CHRM3: variants seen among roughly 807,000 people sequenced by gnomAD.
CHRM3 encodes muscarinic acetylcholine receptor M3.
A neutral mutation model predicts 41.8 loss-of-function variants in CHRM3; 11 were observed. The ratio of observed to expected loss-of-function variants is 0.26; its 90% CI spans 0.17 to 0.44. CHRM3 has a LOEUF of 0.44. Among genes scored for constraint, CHRM3 ranks in the 20% least tolerant of loss-of-function variants. CHRM3 has a pLI of 1.00. For missense variants in CHRM3, 571 were observed against 745.4 expected, an observed-to-expected ratio of 0.77 and a Z score of 2.72; for synonymous variants, 297 against 301.4, an observed-to-expected ratio of 0.99 and a Z score of 0.15.
intron 5 of CHRM3, among the ~76,000 whole-genome samples, chr1:239,725,057 C>T (rs986484194): frequency 1.3e-5 from 2 of 151,916 alleles, no homozygotes; most frequent in African/African-American, 2.4e-5. Context: ...GCAATACAGA[C>T]TAAGCACCTT....
intron 5 of CHRM3, among the ~76,000 whole-genome samples, chr1:239,794,630 G>C (rs1039034114): frequency 3.3e-5 from 5 of 152,032 alleles, no homozygotes; most frequent in African/African-American, 1.2e-4. Context: ...ACTAAAATGT[G>C]GGAATTGAGC....
chr1:239,479,882 C>A (rs532654311), intron 1 of CHRM3, among the ~76,000 whole-genome samples: 185 of 152,258 alleles, frequency 1.2e-3, no homozygotes, highest in African/African-American at 4.3e-3. Flanking sequence ...AGGCTTAGGA[C>A]ATTACTGTAC....
At chr1:239,881,200 G>A (rs368701610) in intron 6 of CHRM3, among the ~76,000 whole-genome samples, 67 of 139,620 alleles carry the variant, frequency 4.8e-4, no homozygotes, top group Middle Eastern at 7.8e-3. Context: ...GGAGAATGGC[G>A]TGAACCCGGG....
chr1:239,773,194 A>G (rs1159655399), intron 5 of CHRM3, among the ~76,000 whole-genome samples: 2 of 152,128 alleles, frequency 1.3e-5, no homozygotes, highest in East Asian at 3.9e-4. Context: ...GGGAGTGCAT[A>G]CTTGGGTCTG....
At chr1:239,670,880 C>T (rs1190615564) in intron 4 of CHRM3, among the ~76,000 whole-genome samples, 2 of 151,892 alleles carry the variant, frequency 1.3e-5, no homozygotes, top group African/African-American at 4.8e-5. Flanking sequence ...TCTGAGTAGA[C>T]TTGTATTTTT....
chr1:239,803,709 T>A (rs928341028), intron 5 of CHRM3, among the ~76,000 whole-genome samples: 10 of 152,148 alleles, frequency 6.6e-5, no homozygotes, highest in African/African-American at 2.4e-4. Context: ...GCTACTAAAA[T>A]CAAGTGTGGA....
chr1:239,651,521 G>A (rs1466199306), intron 4 of CHRM3, among the ~76,000 whole-genome samples: 1 of 152,166 alleles, frequency 6.6e-6, no homozygotes, highest in Non-Finnish European at 1.5e-5. Flanking sequence ...AGTAGACTTG[G>A]CTAAGACAGT....
At chr1:239,735,800 T>C (rs557415126) in intron 5 of CHRM3, among the ~76,000 whole-genome samples, 1 of 152,254 alleles carries the variant, frequency 6.6e-6, no homozygotes, top group East Asian at 1.9e-4. Context: ...ATTATACAAT[T>C]TACAACAACA....
intron 5 of CHRM3, chr1:239,703,292 T>C (rs1660853874): frequency 6.6e-6 from 1 of 152,218 alleles, no homozygotes; most frequent in Admixed American, 6.5e-5. Context: ...TATTGCTGTG[T>C]CTGTGGACAA....
At chr1:239,458,211 G>A (rs778808742) in intron 1 of CHRM3, among the ~76,000 whole-genome samples, 47 of 152,246 alleles carry the variant, frequency 3.1e-4, no homozygotes, top group African/African-American at 1.1e-3. Flanking sequence ...AAATGAAACC[G>A]AGAAAAGGGC....
chr1:239,725,289 T>C lies in CHRM3; in HGVS notation c.-147+47001T>C, dbSNP rs115209173. 4.1e-3 allele frequency among the ~76,000 whole-genome samples: 618 copies of C among 152,054 alleles called. 1 individual carries two copies. The highest frequency in any genetic ancestry group is 0.013 in the Admixed American group (201 of 15,258). Reference sequence around the variant, plus strand: ...GCTTGGGAAACATAAATACCTGTAATTGGTGAATTACTGACCATTTTTTCC... The same window carrying C: ...GCTTGGGAAACATAAATACCTGTAACTGGTGAATTACTGACCATTTTTTCC... On this transcript the variant is annotated intron_variant, in intron 5 of 6. Coordinates refer to ENST00000676153, the MANE Select transcript of CHRM3 (RefSeq NM_001375978.1).
At chr1:239,531,231 A>G (rs577906686) in intron 2 of CHRM3, among the ~76,000 whole-genome samples, 5 of 152,270 alleles carry the variant, frequency 3.3e-5, no homozygotes, top group African/African-American at 1.2e-4. Flanking sequence ...GTTAGAGGAC[A>G]TGCACTTCCT....
At chr1:239,464,407 A>C (rs538900053) in intron 1 of CHRM3, among the ~76,000 whole-genome samples, 1 of 151,208 alleles carries the variant, frequency 6.6e-6, no homozygotes, top group Admixed American at 6.6e-5. Context: ...TGGCTTTTCT[A>C]CCTCCTATGG....
At chr1:239,689,363 G>C (rs1403759784) in intron 5 of CHRM3, among the ~76,000 whole-genome samples, 1 of 151,946 alleles carries the variant, frequency 6.6e-6, no homozygotes, top group Admixed American at 6.6e-5. Context: ...TACTTCCTTT[G>C]TGCACGCAGA....
intron 1 of CHRM3, among the ~76,000 whole-genome samples, chr1:239,471,634 C>G (rs1558247995): frequency 6.6e-6 from 1 of 152,130 alleles, no homozygotes; most frequent in Non-Finnish European, 1.5e-5. Flanking sequence ...CAAGATTTCC[C>G]CCTTCTCTCC....
chr1:239,647,002 T>G (rs967815408), intron 4 of CHRM3, among the ~76,000 whole-genome samples: 1 of 152,200 alleles, frequency 6.6e-6, no homozygotes, highest in Non-Finnish European at 1.5e-5. Flanking sequence ...CAAAGAAATG[T>G]GGATCTTATC....
chr1:239,663,494 GA>G (rs1450461063), intron 4 of CHRM3, among the ~76,000 whole-genome samples: 2 of 152,180 alleles, frequency 1.3e-5, no homozygotes, highest in African/African-American at 4.8e-5. Context: ...CGATGGGATG[GA>G]GTCCTAAGAG....
chr1:239,541,131 C>G (rs745460000), intron 2 of CHRM3, among the ~76,000 whole-genome samples: 1 of 151,932 alleles, frequency 6.6e-6, no homozygotes. Context: ...GCACAAACTC[C>G]CCATGTCTGT....
At chr1:239,574,483 T>G (rs1477236802) in intron 3 of CHRM3, among the ~76,000 whole-genome samples, 1 of 152,084 alleles carries the variant, frequency 6.6e-6, no homozygotes, top group African/African-American at 2.4e-5. Flanking sequence ...CTTACTACCT[T>G]CATGTCTTTG....
Sources: gnomAD v4.1 joint callset for allele counts (sites outside exome capture counted in the v4.1 genomes callset) on GRCh38, gnomAD v4.1.1 for gene constraint, MANE v1.5 for transcripts, NCBI Gene and HGNC (gene_info 2026-07-23, HGNC 2026-07-21) for gene names.